The following SEZ6L variants were observed in gnomAD, a reference collection of about 807,000 sequenced individuals.
SEZ6L encodes the protein seizure related 6 homolog like, also known as seizure 6-like protein.
Under a neutral mutation model 106.2 loss-of-function variants are expected in SEZ6L, and 37 were observed. That is an observed-to-expected ratio of 0.35 (90% CI 0.27 to 0.46). The LOEUF (loss-of-function observed/expected upper bound fraction) is 0.46. SEZ6L is among the 20% of genes least tolerant of loss of function. SEZ6L has a pLI of 1.00. For synonymous variants in SEZ6L, 541 were observed against 570.4 expected (o/e 0.95, Z 0.73); for missense variants, 1,172 against 1,332.8 (o/e 0.88, Z 1.88).
intron 10 of SEZ6L, among the ~76,000 whole-genome samples, chr22:26,347,266 A>T (rs1156826832): frequency 1.3e-5 from 2 of 152,106 alleles, no homozygotes; most frequent in Admixed American, 6.6e-5. Flanking sequence ...AAAGTAAAAT[A>T]AAAAACAAAA....
chr22:26,258,541 C>T (rs1329267841), intron 1 of SEZ6L, among the ~76,000 whole-genome samples: 1 of 152,206 alleles, frequency 6.6e-6, no homozygotes, highest in Non-Finnish European at 1.5e-5. Context: ...CATGTTGAGA[C>T]CTCTTGTGTG....
intron 3 of SEZ6L, among the ~76,000 whole-genome samples, 176 bp downstream of exon 3, chr22:26,294,601 A>G (rs2081236788): frequency 6.6e-6 from 1 of 152,176 alleles, no homozygotes; most frequent in Admixed American, 6.5e-5. Context: ...ATGCTTTGCT[A>G]AAATAGCTTG....
At chr22:26,307,388 A>G (rs953623964) in intron 6 of SEZ6L, among the ~76,000 whole-genome samples, 1 of 151,918 alleles carries the variant, frequency 6.6e-6, no homozygotes, top group African/African-American at 2.4e-5. Context: ...AGAATTTTGG[A>G]GTCCAAGAAA....
intron 9 of SEZ6L, among the ~76,000 whole-genome samples, chr22:26,329,625 G>T (rs1169038875): frequency 6.6e-6 from 1 of 152,150 alleles, no homozygotes; most frequent in Admixed American, 6.6e-5. Flanking sequence ...AATTTAATTG[G>T]GTTTCACTGG....
At chr22:26,358,439 T>C (rs685163) in intron 12 of SEZ6L, among the ~76,000 whole-genome samples, 40,104 of 152,102 alleles carry the variant, frequency 0.26, 6,440 homozygotes, top group Middle Eastern at 0.44. Context: ...TCAGTTAACA[T>C]TGGCTGCTAA....
chr22:26,245,362 C>A (rs570321870), intron 1 of SEZ6L, among the ~76,000 whole-genome samples: 1 of 152,118 alleles, frequency 6.6e-6, no homozygotes, highest in Admixed American at 6.5e-5. Context: ...CAAAGATGTT[C>A]GGCTGGAACA....
chr22:26,346,331 T>G (rs570933532), intron 10 of SEZ6L, among the ~76,000 whole-genome samples: 6 of 152,372 alleles, frequency 3.9e-5, no homozygotes, highest in African/African-American at 1.4e-4. Flanking sequence ...CATGAGCCAC[T>G]GTGCCCACCT....
rs185762391 is a variant in SEZ6L, at chr22:26,369,887, G to A, written c.2795-3564G>A. 9.2e-3 allele frequency among the ~76,000 whole-genome samples: 1,403 copies of A among 152,238 alleles called. 4 individuals carry two copies. Among genetic ancestry groups the A allele is most frequent in the Middle Eastern group, 0.027 (8 of 294 alleles). ...CCACCTCAGCCTCCCAAAGTGCTGG[G>A]ATTACAGGCGTGAGCCATCATACCC... is the stretch of plus-strand genomic sequence containing the variant. On this transcript the variant is annotated intron_variant, in intron 13 of 16. Coordinates refer to ENST00000248933, the MANE Select transcript of SEZ6L (RefSeq NM_021115.5).
chr22:26,355,740 A>AAAAAG (rs1339978871), intron 12 of SEZ6L, among the ~76,000 whole-genome samples: 1 of 149,176 alleles, frequency 6.7e-6, no homozygotes, highest in African/African-American at 2.6e-5. Context: ...AACAACATAG[A>AAAAAG]AACAGAAAAG....
Position 26,185,900 on chromosome 22 carries a change from G to A in SEZ6L, c.94+16137G>A, listed in dbSNP as rs565474210. On this transcript the variant is annotated intron_variant, in intron 1 of 16. Coordinates refer to ENST00000248933, the MANE Select transcript of SEZ6L (RefSeq NM_021115.5). ...AGAATTTGCCACCTCTCTGTAGTAC[G>A]AATAGGGGTGGGAATCTACTCTTAG... Among the ~76,000 whole-genome samples the A allele has an allele frequency of 7.3e-4, 111 of 152,200 alleles. No individual in the cohort carries two copies. The South Asian group carries it at 0.018, about 25-fold the overall frequency.
chr22:26,345,678 C>T (rs1352835603), intron 10 of SEZ6L, among the ~76,000 whole-genome samples: 1 of 152,128 alleles, frequency 6.6e-6, no homozygotes, highest in South Asian at 2.1e-4. Context: ...GATGAAATCC[C>T]GGGAAAAGCC....
chr22:26,348,710 G>GAAAGAAAGAAAGGAA (rs1569473878), intron 11 of SEZ6L, among the ~76,000 whole-genome samples: 2 of 74,522 alleles, frequency 2.7e-5, no homozygotes, highest in Non-Finnish European at 5.3e-5. Flanking sequence ...AAGAAGGCAA[G>GAAAGAAAGAAAGGAA]GGAGGGAAGG....
At chr22:26,252,367 C>T (rs752942086) in intron 1 of SEZ6L, among the ~76,000 whole-genome samples, 1 of 152,166 alleles carries the variant, frequency 6.6e-6, no homozygotes, top group Non-Finnish European at 1.5e-5. Context: ...CATTCCCTAC[C>T]TCAGATGAAG....
intron 9 of SEZ6L, among the ~76,000 whole-genome samples, chr22:26,314,935 C>T (rs2081955546): frequency 6.6e-6 from 1 of 152,164 alleles, no homozygotes; most frequent in Admixed American, 6.5e-5. Flanking sequence ...CTTTCCACTG[C>T]CCCATGTGAG....
intron 1 of SEZ6L, among the ~76,000 whole-genome samples, chr22:26,285,278 T>G (rs1263356849): frequency 1.3e-5 from 2 of 152,238 alleles, no homozygotes; most frequent in Non-Finnish European, 2.9e-5. Context: ...AATGGATAAA[T>G]GAAGTGATGA....
chr22:26,375,625 G>A lies in SEZ6L; in HGVS notation c.2878G>A (p.Ala960Thr), dbSNP rs1202242026. The A allele has an allele frequency of 6.2e-7, 1 of 1,614,006 alleles. No individual in the cohort carries two copies. Among genetic ancestry groups the A allele is most frequent in the Non-Finnish European group, 8.5e-7 (1 of 1,180,024 alleles). ...GCTGGAAGGGGGGAACATGGCCCTG[G>A]CTATCTTCATCCCGGTCCTCATCAT... ...TSLEGGNMAL[A>T]IFIPVLIISL... is the part of the protein sequence containing the mutation. The change falls in exon 15 of 17, where the codon GCT (alanine) becomes ACT (threonine). Residue 960 changes from alanine (A) to threonine (T), a missense_variant. By Grantham distance (58) the Ala-to-Thr change is moderately conservative. This residue lies in a region of SEZ6L where 141 missense variants were observed against 176.0 expected (regional missense o/e 0.80). Coordinates refer to ENST00000248933, the MANE Select transcript of SEZ6L (RefSeq NM_021115.5).
chr22:26,266,503 A>G (rs988028363), intron 1 of SEZ6L, among the ~76,000 whole-genome samples: 5 of 151,356 alleles, frequency 3.3e-5, no homozygotes, highest in Admixed American at 2.0e-4. Context: ...AACCCGGGAG[A>G]CGGAGCTTGC....
At chr22:26,184,646 C>T (rs1048301328) in intron 1 of SEZ6L, among the ~76,000 whole-genome samples, 1 of 152,172 alleles carries the variant, frequency 6.6e-6, no homozygotes, top group Admixed American at 6.5e-5. Flanking sequence ...AACATTCATT[C>T]ATTTATTCAA....
intron 9 of SEZ6L, among the ~76,000 whole-genome samples, chr22:26,321,283 C>A (rs1329316440): frequency 6.6e-6 from 1 of 152,216 alleles, no homozygotes; most frequent in Non-Finnish European, 1.5e-5. Flanking sequence ...GCTGGCGGAG[C>A]TTGGACTTTA....
Sources: gnomAD v4.1 joint callset for allele counts (sites outside exome capture counted in the v4.1 genomes callset) on GRCh38, gnomAD v4.1.1 for gene constraint, gnomAD v4.1.1 regional missense constraint, MANE v1.5 for transcripts, NCBI Gene and HGNC (gene_info 2026-07-23, HGNC 2026-07-21) for gene names.